Variants in RABGAP1L observed in about 807,000 individuals in gnomAD.
The protein encoded by RABGAP1L is RAB GTPase activating protein 1 like.
RABGAP1L carries 63 observed loss-of-function variants against 137.7 expected under a neutral mutation model. That is an observed-to-expected ratio of 0.46 (90% CI 0.37 to 0.56). The LOEUF (loss-of-function observed/expected upper bound fraction) is 0.56. Ranked by LOEUF, RABGAP1L falls within the 20% of genes least tolerant of loss-of-function variation. RABGAP1L has a pLI of 0.00. For missense variants in RABGAP1L, 1,095 were observed against 1,244.0 expected (o/e 0.88, Z 1.80); for synonymous variants, 431 against 433.7 (o/e 0.99, Z 0.08).
intron 17 of RABGAP1L, among the ~76,000 whole-genome samples, chr1:174,735,612 C>CAAAAAAAAAAAAAAAA (rs59281177): frequency 2.2e-5 from 1 of 46,134 alleles, no homozygotes; most frequent in Non-Finnish European, 3.8e-5. Context: ...AACTCCATCT[C>CAAAAAAAAAAAAAAAA]AAAAAAAAAA....
chr1:174,662,405 G>A (rs1236730729), intron 14 of RABGAP1L, among the ~76,000 whole-genome samples: 2 of 148,310 alleles, frequency 1.3e-5, no homozygotes, highest in African/African-American at 5.0e-5. Flanking sequence ...CGCCTGGCCT[G>A]GTTGTTTGTT....
intron 14 of RABGAP1L, among the ~76,000 whole-genome samples, chr1:174,644,886 C>A (rs1674824832): frequency 6.6e-6 from 1 of 152,138 alleles, no homozygotes; most frequent in East Asian, 1.9e-4. Context: ...CCCTACTCCT[C>A]CTTCCCATCT....
At chr1:174,565,973 C>T (rs1649722266) in intron 13 of RABGAP1L, among the ~76,000 whole-genome samples, 1 of 151,388 alleles carries the variant, frequency 6.6e-6, no homozygotes, top group Non-Finnish European at 1.5e-5. Context: ...CAGCCTTGAC[C>T]TCCCGGCCTC....
In RABGAP1L at chr1:174,990,321, AT is replaced by A. The variant is rs1671975558; in HGVS notation, c.*321del. The stretch of plus-strand genomic sequence containing the variant: ...AATGCTTTTTTATTTAGAATTATTC[AT>A]AATTATTTTTATCTTACATAAAAAT... On this transcript the variant is annotated 3_prime_UTR_variant, in exon 26 of 26. Coordinates refer to ENST00000681986, the MANE Select transcript of RABGAP1L (RefSeq NM_001366446.1). The A allele has an allele frequency of 5.0e-6, 1 of 198,972 alleles. No homozygotes were observed. Among genetic ancestry groups the A allele is most frequent in the Non-Finnish European group, 1.0e-5 (1 of 99,828 alleles). 12.3% of individuals were successfully genotyped at this position (198,972 alleles called of 1,614,324 possible).
intron 13 of RABGAP1L, among the ~76,000 whole-genome samples, chr1:174,447,056 A>T (rs1294884414): frequency 6.6e-6 from 1 of 152,190 alleles, no homozygotes; most frequent in African/African-American, 2.4e-5. Flanking sequence ...ATCATGCTCC[A>T]TTATAAGGAA....
chr1:174,251,182 C>T (rs1047209161), intron 6 of RABGAP1L, among the ~76,000 whole-genome samples: 1 of 152,136 alleles, frequency 6.6e-6, no homozygotes, highest in Non-Finnish European at 1.5e-5. Context: ...ATAAAAACTA[C>T]GATCTTGTCA....
At chr1:174,492,392 A>C (rs1214140039) in intron 13 of RABGAP1L, among the ~76,000 whole-genome samples, 2 of 137,918 alleles carry the variant, frequency 1.5e-5, no homozygotes, top group Admixed American at 1.6e-4. Flanking sequence ...CTTGTCGCCC[A>C]GGCTGGAGTG....
At chr1:174,370,558 C>T (rs1218072548) in intron 11 of RABGAP1L, among the ~76,000 whole-genome samples, 7 of 75,860 alleles carry the variant, frequency 9.2e-5, no homozygotes, top group Non-Finnish European at 7.6e-5. Context: ...GTGTTTATAT[C>T]ATAATATGTA....
intron 5 of RABGAP1L, among the ~76,000 whole-genome samples, chr1:174,248,897 C>T (rs1292353034): frequency 6.6e-6 from 1 of 152,152 alleles, no homozygotes; most frequent in Non-Finnish European, 1.5e-5. Context: ...CAATGTGACA[C>T]ATTGAAAATA....
chr1:174,685,077 G>A (rs1250937967), intron 15 of RABGAP1L, among the ~76,000 whole-genome samples: 3 of 152,116 alleles, frequency 2.0e-5, no homozygotes, highest in Non-Finnish European at 4.4e-5. Context: ...CATTCAGGGA[G>A]CAAAATTGTT....
At chr1:174,610,276 A>G (rs528862690) in intron 13 of RABGAP1L, among the ~76,000 whole-genome samples, 34 of 137,798 alleles carry the variant, frequency 2.5e-4, no homozygotes, top group Admixed American at 1.9e-3. Flanking sequence ...TCATAGTTCA[A>G]TTCCCACCTA....
chr1:174,562,201 A>G (rs545205427), intron 13 of RABGAP1L, among the ~76,000 whole-genome samples: 1 of 152,384 alleles, frequency 6.6e-6, no homozygotes, highest in South Asian at 2.1e-4. Flanking sequence ...GCATATGAAC[A>G]GACACTTCTC....
chr1:174,264,518 G>T (rs903110435), intron 7 of RABGAP1L, among the ~76,000 whole-genome samples: 1 of 152,038 alleles, frequency 6.6e-6, no homozygotes, highest in Non-Finnish European at 1.5e-5. Flanking sequence ...AACAACTTCA[G>T]ATCTTCATCT....
chr1:174,336,072 C>T (rs1040203226), intron 11 of RABGAP1L, among the ~76,000 whole-genome samples: 3 of 151,950 alleles, frequency 2.0e-5, no homozygotes, highest in Non-Finnish European at 2.9e-5. Flanking sequence ...AAAAATTTTC[C>T]CCCTGAGTTG....
At chr1:174,679,757 A>G (rs1018713827) in intron 14 of RABGAP1L, among the ~76,000 whole-genome samples, 1 of 152,222 alleles carries the variant, frequency 6.6e-6, no homozygotes, top group Non-Finnish European at 1.5e-5. Context: ...CCATTCTCCA[A>G]ATTTACTTAT....
chr1:174,915,892 G>C (rs1660783493), intron 19 of RABGAP1L, among the ~76,000 whole-genome samples: 1 of 151,916 alleles, frequency 6.6e-6, no homozygotes. Context: ...AAAAATTAAT[G>C]GTGTGTTTTG....
chr1:174,680,902 A>G (rs1678017200), intron 14 of RABGAP1L, among the ~76,000 whole-genome samples: 1 of 152,182 alleles, frequency 6.6e-6, no homozygotes, highest in South Asian at 2.1e-4. Flanking sequence ...AAAACAAAAA[A>G]CAAAAATCAG....
chr1:174,219,204 C>A lies in RABGAP1L; in HGVS notation c.47C>A (p.Ser16Tyr). The change falls in exon 2 of 26, where the codon TCT (serine) becomes TAT (tyrosine). Residue 16 changes from serine (S) to tyrosine (Y), a missense_variant. This residue lies in a region of RABGAP1L where 356 missense variants were observed against 326.3 expected (regional missense o/e 1.09). Transcript: ENST00000681986. ...SLQKVSGSSD[S>Y]VATMNSEEFV... ...CAGAAGGTTAGTGGATCATCTGATT[C>A]TGTGGCTACAATGAACAGTGAAGAA... The A allele has an allele frequency of 6.2e-7, 1 of 1,603,818 alleles. No individual in the cohort carries two copies. The highest frequency in any genetic ancestry group is 8.5e-7 in the Non-Finnish European group (1 of 1,173,788).
intron 14 of RABGAP1L, among the ~76,000 whole-genome samples, chr1:174,648,259 T>C (rs1675161389): frequency 6.6e-6 from 1 of 152,132 alleles, no homozygotes; most frequent in African/African-American, 2.4e-5. Flanking sequence ...TTTGAATGTG[T>C]TTGCTCTTGC....
Sources: gnomAD v4.1 joint callset for allele counts (sites outside exome capture counted in the v4.1 genomes callset) on GRCh38, gnomAD v4.1.1 for gene constraint, gnomAD v4.1.1 regional missense constraint, MANE v1.5 for transcripts, NCBI Gene and HGNC (gene_info 2026-07-23, HGNC 2026-07-21) for gene names.